Variants in ACTR3C observed in about 807,000 individuals in gnomAD.
The protein encoded by ACTR3C is actin-related protein 3C.
In ACTR3C, 18 loss-of-function variants were observed where a neutral mutation model predicts 26.3. The ratio of observed to expected loss-of-function variants is 0.68; its 90% CI spans 0.47 to 1.01. ACTR3C has a LOEUF of 1.01. ACTR3C is among the 50% of genes least tolerant of loss of function. ACTR3C has a pLI of 0.00. For missense variants in ACTR3C, 184 were observed against 250.7 expected (o/e 0.73, Z 1.80); for synonymous variants, 55 against 94.5 (o/e 0.58, Z 2.42).
chr7:150,315,830 CT>C (rs111902608), intron 1 of ACTR3C, among the ~76,000 whole-genome samples: 39,893 of 148,750 alleles, frequency 0.27, 5,412 homozygotes, highest in East Asian at 0.42. Flanking sequence ...CAACACTATA[CT>C]TTTTTTTTTT....
chr7:150,035,749 C>CG, the ACTR3C span, among the ~76,000 whole-genome samples: 7 of 137,246 alleles, frequency 5.1e-5, 1 homozygote, highest in Non-Finnish European at 8.2e-5. Context: ...CCCCGCCTCG[C>CG]GGGGGGTGCG....
the ACTR3C span, among the ~76,000 whole-genome samples, chr7:150,175,447 T>A: frequency 6.8e-6 from 1 of 147,644 alleles, no homozygotes; most frequent in Admixed American, 6.6e-5. Flanking sequence ...CTGTCTTAAT[T>A]TCAGTTATAT....
the ACTR3C span, among the ~76,000 whole-genome samples, chr7:150,180,757 G>C: frequency 3.4e-5 from 5 of 148,868 alleles, no homozygotes; most frequent in Non-Finnish European, 7.4e-5. Context: ...TGATCCGCCC[G>C]CCTCGGCCTC....
the ACTR3C span, among the ~76,000 whole-genome samples, chr7:150,094,647 T>G: frequency 6.6e-6 from 1 of 150,478 alleles, no homozygotes; most frequent in East Asian, 1.9e-4. Context: ...GCTGCTCATA[T>G]TCAATCCAGC....
the ACTR3C span, chr7:149,892,474 T>C: frequency 7.3e-7 from 1 of 1,371,426 alleles, no homozygotes; most frequent in Admixed American, 2.5e-5. Context: ...GATAATATCC[T>C]AATATACACA....
the ACTR3C span, among the ~76,000 whole-genome samples, chr7:149,934,267 A>G: frequency 2.0e-5 from 3 of 152,140 alleles, no homozygotes; most frequent in East Asian, 1.9e-4. Context: ...ATTCCACTCA[A>G]TGTTAGCAAT....
intron 1 of ACTR3C, among the ~76,000 whole-genome samples, chr7:150,313,997 C>T (rs765918963): frequency 6.6e-6 from 1 of 152,210 alleles, no homozygotes; most frequent in Non-Finnish European, 1.5e-5. Flanking sequence ...ATGCACAGGA[C>T]GGAGCTCTTC....
chr7:149,992,777 G>C, the ACTR3C span, among the ~76,000 whole-genome samples: 1 of 152,162 alleles, frequency 6.6e-6, no homozygotes, highest in Admixed American at 6.5e-5. Context: ...AGCTTATTAG[G>C]GAGAATTGTC....
the ACTR3C span, among the ~76,000 whole-genome samples, chr7:150,235,104 A>C: frequency 4.6e-5 from 7 of 152,232 alleles, no homozygotes; most frequent in Admixed American, 3.9e-4. Flanking sequence ...GAATCAGCCT[A>C]CTATAACTCC....
chr7:150,307,403 C>T (rs1023551227), intron 1 of ACTR3C, among the ~76,000 whole-genome samples: 5 of 152,204 alleles, frequency 3.3e-5, no homozygotes, highest in African/African-American at 1.2e-4. Context: ...TTACATGCCA[C>T]CATTGTGACT....
chr7:150,136,584 C>A, the ACTR3C span, among the ~76,000 whole-genome samples: 7 of 152,026 alleles, frequency 4.6e-5, no homozygotes, highest in African/African-American at 1.7e-4. Context: ...GCAGGAGAAT[C>A]ATTTGAGCCC....
the ACTR3C span, among the ~76,000 whole-genome samples, chr7:150,096,279 C>G: frequency 9.5e-3 from 1,433 of 150,792 alleles, 83 homozygotes; most frequent in African/African-American, 0.034. Flanking sequence ...AAATGTCTAT[C>G]TCAATTAATT....
At chr7:150,041,996 C>T in the ACTR3C span, among the ~76,000 whole-genome samples, 2 of 143,142 alleles carry the variant, frequency 1.4e-5, no homozygotes, top group Non-Finnish European at 1.5e-5. Flanking sequence ...GGACAACTAA[C>T]ACCCACAGTC....
At chr7:149,897,714 T>C in the ACTR3C span, among the ~76,000 whole-genome samples, 8 of 152,040 alleles carry the variant, frequency 5.3e-5, no homozygotes, top group East Asian at 9.7e-4. Context: ...TAAAATAAAA[T>C]AAAAAATACA....
At chr7:149,923,982 G>T in the ACTR3C span, among the ~76,000 whole-genome samples, 1 of 151,096 alleles carries the variant, frequency 6.6e-6, no homozygotes, top group Non-Finnish European at 1.5e-5. Flanking sequence ...GTACGACAGA[G>T]GGAGACTCAG....
At chr7:150,171,248 G>C in the ACTR3C span, among the ~76,000 whole-genome samples, 1 of 147,086 alleles carries the variant, frequency 6.8e-6, no homozygotes, top group Admixed American at 6.7e-5. Flanking sequence ...AATTTAAAAG[G>C]GTTAAAGTCA....
the ACTR3C span, among the ~76,000 whole-genome samples, chr7:149,992,776 G>A: frequency 6.6e-6 from 1 of 152,186 alleles, no homozygotes; most frequent in Non-Finnish European, 1.5e-5. Flanking sequence ...GAGCTTATTA[G>A]GGAGAATTGT....
At chr7:150,046,458 G>C in the ACTR3C span, among the ~76,000 whole-genome samples, 547 of 149,914 alleles carry the variant, frequency 3.6e-3, 8 homozygotes, top group East Asian at 0.046. Context: ...ACTCAGTGCC[G>C]GGCAATGTAC....
In ACTR3C at chr7:150,274,508, G is replaced by A. The variant is rs1387413310; in HGVS notation, c.564+10245C>T. Among the ~76,000 whole-genome samples, 2 of 152,192 alleles carry A rather than the reference G, an allele frequency of 1.3e-5. No homozygotes were observed. Among genetic ancestry groups the A allele is most frequent in the Admixed American group, 6.5e-5 (1 of 15,282 alleles). On this transcript the variant is annotated intron_variant, in intron 6 of 7. Transcript: ENST00000683684. The surrounding 1 kb of genome is among the most constrained non-coding windows in gnomAD (Gnocchi z 4.1). Reference sequence around the variant, plus strand: ...ATTGCACCATTCACTTCACTGGGATGGTCCGAAACTGAACCCACAAAATCT... The same window carrying A: ...ATTGCACCATTCACTTCACTGGGATAGTCCGAAACTGAACCCACAAAATCT...
Sources: allele counts gnomAD v4.1 joint callset (sites outside exome capture counted in the v4.1 genomes callset), GRCh38; gene constraint gnomAD v4.1.1; non-coding constraint Gnocchi (gnomAD v3.1); transcripts MANE v1.5; gene names NCBI Gene and HGNC (gene_info 2026-07-23, HGNC 2026-07-21).